Variants in RTTN observed in about 807,000 individuals in gnomAD.
The protein encoded by RTTN is rotatin.
A neutral mutation model predicts 269.2 loss-of-function variants in RTTN; 182 were observed. That is an observed-to-expected ratio of 0.68 (90% CI 0.60 to 0.76). The LOEUF is 0.76. RTTN is among the 30% of genes least tolerant of loss of function. The pLI, the probability that RTTN is intolerant of heterozygous loss-of-function variation, is 0.00. For missense variants in RTTN, 2,545 were observed against 2,608.6 expected (o/e 0.98, Z 0.53); for synonymous variants, 1,006 against 963.5 (o/e 1.04, Z -0.82).
At chr18:70,175,045 C>CAAAAAAAAAAAAAA (rs5825998) in intron 11 of RTTN, among the ~76,000 whole-genome samples, 23 of 86,776 alleles carry the variant, frequency 2.7e-4, no homozygotes, top group East Asian at 7.6e-4. Flanking sequence ...AAACCAAAAC[C>CAAAAAAAAAAAAAA]AAAAAAAAAA....
intron 39 of RTTN, among the ~76,000 whole-genome samples, chr18:70,050,471 G>A (rs1420737584): frequency 2.6e-5 from 4 of 152,196 alleles, no homozygotes; most frequent in African/African-American, 9.6e-5. Flanking sequence ...TTACACTGCT[G>A]GTGGGAGTAT....
At chr18:70,008,845 T>G (rs1236029296) in intron 46 of RTTN, 1 of 152,088 alleles carries the variant, frequency 6.6e-6, no homozygotes, top group Non-Finnish European at 1.5e-5. Context: ...CTTCAGGATA[T>G]TAAATGCAAG....
intron 25 of RTTN, among the ~76,000 whole-genome samples, chr18:70,122,564 A>G (rs373169841): frequency 6.6e-6 from 1 of 152,148 alleles, no homozygotes; most frequent in African/African-American, 2.4e-5. Context: ...AGGCACCTCT[A>G]TTTCAAAGAC....
chr18:70,130,732 G>A (rs907851190), intron 23 of RTTN: 2 of 151,494 alleles, frequency 1.3e-5, no homozygotes, highest in African/African-American at 4.9e-5. Flanking sequence ...AGCACAATAG[G>A]GTAAAAATAG....
intron 27 of RTTN, among the ~76,000 whole-genome samples, chr18:70,113,285 T>C (rs545316354): frequency 5.9e-5 from 9 of 152,088 alleles, no homozygotes; most frequent in Non-Finnish European, 1.2e-4. Context: ...CAAATAGCCA[T>C]AAGAACATGA....
In RTTN at chr18:70,086,686, TGAAAATGTAAAAAAAAAAA is replaced by T; in HGVS notation, c.4303-21_4303-3del. On this transcript the variant is annotated splice_region_variant and splice_polypyrimidine_tract_variant and intron_variant, in intron 31 of 48. Transcript: ENST00000640769. Reference sequence around the variant, plus strand: ...GAGATTCTGAAGAATAAATGCCGCCTGAAAATGTAAAAAAAAAAAAAAAAAAAAAAAAAAAAAAAAAAAA... The same window carrying T: ...GAGATTCTGAAGAATAAATGCCGCCTAAAAAAAAAAAAAAAAAAAAAAAAA... The T allele has an allele frequency of 2.9e-6, 1 of 349,814 alleles. No individual in the cohort carries two copies. 21.7% of individuals were successfully genotyped at this position (349,814 alleles called of 1,614,324 possible).
At chr18:70,025,773 T>G (rs1034465121) in intron 43 of RTTN, among the ~76,000 whole-genome samples, 2 of 152,256 alleles carry the variant, frequency 1.3e-5, no homozygotes, top group African/African-American at 4.8e-5. Flanking sequence ...AGTTTATCTG[T>G]ATTTTCATCC....
intron 26 of RTTN, among the ~76,000 whole-genome samples, chr18:70,120,409 C>G (rs2059706361): frequency 6.6e-6 from 1 of 152,140 alleles, no homozygotes. Flanking sequence ...TTTATATACA[C>G]ACAAACATTC....
intron 35 of RTTN, among the ~76,000 whole-genome samples, chr18:70,062,876 T>A (rs1033854401): frequency 3.9e-5 from 6 of 152,204 alleles, no homozygotes; most frequent in African/African-American, 1.2e-4. Context: ...TGAGCTGCTG[T>A]GCCCAGCCCC....
intron 43 of RTTN, among the ~76,000 whole-genome samples, chr18:70,026,675 C>A (rs1051078208): frequency 6.6e-6 from 1 of 152,122 alleles, no homozygotes; most frequent in Non-Finnish European, 1.5e-5. Flanking sequence ...CTCCAAATTC[C>A]TTCTCCAGTA....
chr18:70,045,242 T>C (rs970578381), intron 40 of RTTN, among the ~76,000 whole-genome samples: 3 of 152,168 alleles, frequency 2.0e-5, no homozygotes, highest in Non-Finnish European at 2.9e-5. Context: ...AATACAGTGA[T>C]TTGTTAGGAG....
At chr18:70,182,156 A>T (rs757985133) in intron 10 of RTTN, among the ~76,000 whole-genome samples, 1 of 152,214 alleles carries the variant, frequency 6.6e-6, no homozygotes, top group Admixed American at 6.5e-5. Context: ...CAAGATTCAG[A>T]ACTATTATCA....
chr18:70,104,816 T>C (rs1000482966), intron 28 of RTTN, among the ~76,000 whole-genome samples: 1 of 152,166 alleles, frequency 6.6e-6, no homozygotes, highest in East Asian at 1.9e-4. Context: ...AGAGCAAATG[T>C]TACAGAACAG....
chr18:70,192,543 T>C (rs1054131651), intron 8 of RTTN, among the ~76,000 whole-genome samples: 4 of 151,908 alleles, frequency 2.6e-5, no homozygotes, highest in Non-Finnish European at 5.9e-5. Flanking sequence ...TAGCCAAGTA[T>C]GGTAGTGCAC....
At chr18:70,017,890 T>C (rs1057448123) in intron 45 of RTTN, among the ~76,000 whole-genome samples, 2 of 152,202 alleles carry the variant, frequency 1.3e-5, no homozygotes, top group Non-Finnish European at 2.9e-5. Flanking sequence ...TCCTGCTAAT[T>C]ATTTCCTCAT....
At chr18:70,087,467 C>T (rs1225353530) in intron 31 of RTTN, among the ~76,000 whole-genome samples, 1 of 151,942 alleles carries the variant, frequency 6.6e-6, no homozygotes, top group Admixed American at 6.6e-5. Context: ...CCAGGAGCTG[C>T]TGTTTTTTTT....
chr18:70,052,874 A>T (rs2057714168), intron 38 of RTTN, among the ~76,000 whole-genome samples: 1 of 152,162 alleles, frequency 6.6e-6, no homozygotes, highest in Admixed American at 6.6e-5. Context: ...TCAGATATTG[A>T]CATTTTTTCC....
intron 2 of RTTN, 126 bp from the exon 3 acceptor site, chr18:70,204,389 G>A: frequency 1.2e-6 from 1 of 856,686 alleles, no homozygotes; most frequent in Non-Finnish European, 1.8e-6. Context: ...ATCCTTCATG[G>A]CTCTGCCCCG....
intron 32 of RTTN, among the ~76,000 whole-genome samples, chr18:70,085,551 T>C (rs533169838): frequency 3.2e-4 from 49 of 152,266 alleles, no homozygotes; most frequent in African/African-American, 1.1e-3. Context: ...GAGTGAGGTG[T>C]AGCAATATGA....
Sources: gnomAD v4.1 joint callset for allele counts (sites outside exome capture counted in the v4.1 genomes callset) on GRCh38, gnomAD v4.1.1 for gene constraint, MANE v1.5 for transcripts, NCBI Gene and HGNC (gene_info 2026-07-23, HGNC 2026-07-21) for gene names.